Variants in INTS6L observed in about 807,000 individuals in gnomAD.
INTS6L encodes the protein integrator complex subunit 6 like, also known as integrator complex subunit 6-like.
Under a neutral mutation model 64.7 loss-of-function variants are expected in INTS6L, and 18 were observed. That is an observed-to-expected ratio of 0.28 (90% CI 0.19 to 0.41). The LOEUF (loss-of-function observed/expected upper bound fraction) is 0.41. Ranked by LOEUF, INTS6L falls within the 10% of genes least tolerant of loss-of-function variation. The pLI, the probability that INTS6L is intolerant of heterozygous loss-of-function variation, is 1.00. For missense variants in INTS6L, 533 were observed against 661.0 expected (o/e 0.81, Z 2.12); for synonymous variants, 227 against 235.9 (o/e 0.96, Z 0.34).
At chrX:135,527,438 T>A (rs1162081763) in intron 2 of INTS6L, among the ~76,000 whole-genome samples, 1 of 111,896 alleles carries the variant, frequency 8.9e-6, no homozygotes, top group East Asian at 2.8e-4. Context: ...TTGAGGATAG[T>A]CACTGGAAAA....
intron 2 of INTS6L, among the ~76,000 whole-genome samples, chrX:135,539,903 G>A (rs782545454): frequency 9.0e-6 from 1 of 111,204 alleles, no homozygotes; most frequent in African/African-American, 3.3e-5. Flanking sequence ...GGTTCATGGT[G>A]CCCCAAAATA....
chrX:135,549,113 A>G (rs1246044593), intron 6 of INTS6L, among the ~76,000 whole-genome samples: 1 of 112,075 alleles, frequency 8.9e-6, no homozygotes, highest in Non-Finnish European at 1.9e-5. Context: ...GAATTTGGCT[A>G]GTTTTTATTT....
At chrX:135,534,007 G>A (rs2085981349) in intron 2 of INTS6L, among the ~76,000 whole-genome samples, 1 of 110,728 alleles carries the variant, frequency 9.0e-6, no homozygotes, top group Admixed American at 9.7e-5. Context: ...TTTGGAGGGA[G>A]GAGAAAAGCT....
At chrX:135,567,832 T>C (rs1263608127) in intron 9 of INTS6L, among the ~76,000 whole-genome samples, 2 of 112,315 alleles carry the variant, frequency 1.8e-5, no homozygotes, top group Non-Finnish European at 3.8e-5. Context: ...ATTTTATGAC[T>C]TTGTAAATTC....
intron 9 of INTS6L, among the ~76,000 whole-genome samples, chrX:135,557,344 C>G (rs926922733): frequency 9.0e-6 from 1 of 111,603 alleles, no homozygotes; most frequent in Non-Finnish European, 1.9e-5. Flanking sequence ...ATGTAATCTT[C>G]ACTAACACTG....
intron 8 of INTS6L, among the ~76,000 whole-genome samples, chrX:135,553,851 CCT>C (rs1459276272): frequency 9.0e-6 from 1 of 111,447 alleles, no homozygotes; most frequent in Non-Finnish European, 1.9e-5. Context: ...TAAAATAACC[CCT>C]CTTTTCTATA....
At chrX:135,560,420 G>C (rs1379903877) in intron 9 of INTS6L, among the ~76,000 whole-genome samples, 1 of 111,772 alleles carries the variant, frequency 8.9e-6, no homozygotes, top group Non-Finnish European at 1.9e-5. Flanking sequence ...TTGCCTTACT[G>C]TACTGTAGAG....
chrX:135,567,272 C>T lies in INTS6L; in HGVS notation c.1193-2065C>T, dbSNP rs141346834. On this transcript the variant is annotated intron_variant, in intron 9 of 17. Coordinates refer to ENST00000639893, the MANE Select transcript of INTS6L (RefSeq NM_001351601.3). ...GTCATTTTTGAGGTGCTGGCAGTAT[C>T]ATTTTACTTTCATTCTACACTCTCA... Among the ~76,000 whole-genome samples the T allele has an allele frequency of 1.2e-3, 129 of 111,645 alleles. No individual in the cohort carries two copies. The East Asian group carries it at 0.023, about 20-fold the overall frequency.
chrX:135,522,059 C>T (rs1272194531), intron 2 of INTS6L, among the ~76,000 whole-genome samples: 1 of 111,461 alleles, frequency 9.0e-6, no homozygotes, highest in East Asian at 2.8e-4. Flanking sequence ...CCAGTCTCCC[C>T]ACCCCCAGAC....
rs1402327833 is a variant in INTS6L at position 135,570,392 on chromosome X, A to C, written c.1288-44A>C. 3 of 1,093,709 alleles carry C rather than the reference A, an allele frequency of 2.7e-6. No individual in the cohort carries two copies. The East Asian group carries it at 1.0e-4, about 36-fold the overall frequency. The allele number at this position is 1,093,709 out of a possible 1,213,427, so 90.1% of individuals were successfully genotyped here. A position where few individuals can be genotyped will look rare whatever the true frequency, so the allele number is the denominator to read the frequency against. ...TTATAACTGAACTTTGAGTATTTTA[A>C]GATTTATTCTATTCTTACTGTTGTG... is the stretch of plus-strand genomic sequence containing the variant. On this transcript the variant is annotated intron_variant, in intron 10 of 17. Transcript: ENST00000639893.
Position 135,581,630 on chromosome X carries a change from A to G in INTS6L, c.2691A>G (p.Ser897=), listed in dbSNP as rs782548295. 4.2e-6 allele frequency: 5 copies of G among 1,203,526 alleles called. No homozygotes were observed. The highest frequency in any genetic ancestry group is 5.9e-5 in the East Asian group (2 of 33,783). The change falls in exon 18 of 18, where the codon TCA becomes TCG. Residue 897 remains serine, a synonymous_variant. Coordinates refer to ENST00000639893, the MANE Select transcript of INTS6L (RefSeq NM_001351601.3). ...NNISHINSRS[S]C ...TTAGTCACATCAACAGCAGATCATC[A>G]TGTTAGTGCAAAGACCAGTGAGAAA... is the stretch of plus-strand genomic sequence containing the variant.
At position 135,565,294 on chromosome X, in the gene INTS6L, C is replaced by T. The variant is rs371414652; in HGVS notation, c.1193-4043C>T. Among the ~76,000 whole-genome samples, 3 of 111,820 alleles carry T rather than the reference C, an allele frequency of 2.7e-5. No homozygotes were observed. In the East Asian group the frequency reaches 8.4e-4, roughly 31 times the overall value. ...AGCAAGACTCATCCTCTCATCTTTG[C>T]CTTTGCTCGTCTTTCAGGTAATGGA... On this transcript the variant is annotated intron_variant, in intron 9 of 17. Coordinates refer to ENST00000639893, the MANE Select transcript of INTS6L (RefSeq NM_001351601.3).
intron 8 of INTS6L, 41 bp downstream of exon 8, chrX:135,552,187 C>T (rs1556517343): frequency 9.2e-7 from 1 of 1,087,514 alleles, no homozygotes; most frequent in Non-Finnish European, 1.2e-6. Context: ...TGTAACCACT[C>T]TAGGATCTGG....
chrX:135,533,729 A>G (rs947039413), intron 2 of INTS6L, among the ~76,000 whole-genome samples: 23 of 112,218 alleles, frequency 2.0e-4, no homozygotes, highest in African/African-American at 3.2e-5. Flanking sequence ...TGCAATGCTT[A>G]GGTGGCTTAG....
At chrX:135,522,805 G>A (rs2085621920) in intron 2 of INTS6L, among the ~76,000 whole-genome samples, 1 of 112,201 alleles carries the variant, frequency 8.9e-6, no homozygotes, top group Non-Finnish European at 1.9e-5. Flanking sequence ...TCGATAATTT[G>A]TTTTCAGTTT....
In INTS6L at chrX:135,546,377, T is replaced by C. The variant is rs782745272; in HGVS notation, c.340-3T>C. 9.0e-7 allele frequency: 1 copy of C among 1,115,241 alleles called. No individual in the cohort carries two copies. The highest frequency in any genetic ancestry group is 1.2e-6 in the Non-Finnish European group (1 of 838,637). 91.9% of individuals were successfully genotyped at this position (1,115,241 alleles called of 1,213,427 possible). On this transcript the variant is annotated splice_polypyrimidine_tract_variant and splice_region_variant and intron_variant, in intron 3 of 17. Transcript: ENST00000639893. ...GCTCTAATGCTTTTTAAATGTATTT[T>C]AGGGGAGAAATCCATTTTTTTTAGA...
rs1381704380 is a variant in INTS6L, at chrX:135,520,738, G to T, written c.-255G>T. 2.7e-6 allele frequency: 1 copy of T among 365,690 alleles called. No homozygotes were observed. Among genetic ancestry groups the T allele is most frequent in the Non-Finnish European group, 4.8e-6 (1 of 209,585 alleles). 30.1% of individuals were successfully genotyped at this position (365,690 alleles called of 1,213,427 possible). On this transcript the variant is annotated 5_prime_UTR_variant, in exon 1 of 18. Transcript: ENST00000639893. ...GGCAGCGGCAGTAGTGGTGGCAGCA[G>T]AAGAGAGGAAGGGGGAGGGCCCCGA...
chrX:135,581,267 A>G (rs188386168), intron 17 of INTS6L, 124 bp downstream of exon 17: 13 of 517,600 alleles, frequency 2.5e-5, no homozygotes, highest in Non-Finnish European at 4.0e-5. Flanking sequence ...CCTCACTCAT[A>G]GTTAAGGCTG....
At chrX:135,525,072 A>G (rs2085695658) in intron 2 of INTS6L, among the ~76,000 whole-genome samples, 1 of 112,234 alleles carries the variant, frequency 8.9e-6, no homozygotes, top group African/African-American at 3.2e-5. Flanking sequence ...TATCCTTATA[A>G]AACTAGTATG....
Sources: allele counts gnomAD v4.1 joint callset (sites outside exome capture counted in the v4.1 genomes callset), GRCh38; gene constraint gnomAD v4.1.1; transcripts MANE v1.5; gene names NCBI Gene and HGNC (gene_info 2026-07-23, HGNC 2026-07-21).